The following BCL6 variants were observed in gnomAD, a reference collection of about 807,000 sequenced individuals.
The protein encoded by BCL6 is BCL6 transcription repressor, also known as B-cell lymphoma 6 protein.
Under a neutral mutation model 59.5 loss-of-function variants are expected in BCL6, and 7 were observed. That is an observed-to-expected ratio of 0.12 (90% CI 0.07 to 0.22). The LOEUF is 0.22. Ranked by LOEUF, BCL6 falls within the 10% of genes least tolerant of loss-of-function variation. The pLI, the probability that BCL6 is intolerant of heterozygous loss-of-function variation, is 1.00. For missense variants in BCL6, 685 were observed against 939.4 expected (o/e 0.73, Z 3.54); for synonymous variants, 339 against 349.7 (o/e 0.97, Z 0.34).
At chr3:187,744,027 T>A (rs1711742712) in intron 1 of BCL6, among the ~76,000 whole-genome samples, 2 of 152,218 alleles carry the variant, frequency 1.3e-5, no homozygotes, top group Admixed American at 6.5e-5. Context: ...GCTCTGTTCG[T>A]CTTTCTCCTC....
At chr3:187,744,352 A>T (rs1173100108) in intron 1 of BCL6, among the ~76,000 whole-genome samples, 1 of 139,586 alleles carries the variant, frequency 7.2e-6, no homozygotes, top group African/African-American at 2.6e-5. Context: ...CTGTCCCGCC[A>T]TCAGTCTCTC....
intron 1 of BCL6, among the ~76,000 whole-genome samples, chr3:187,739,363 C>T (rs1711514351): frequency 6.6e-6 from 1 of 152,182 alleles, no homozygotes; most frequent in South Asian, 2.1e-4. Context: ...CACCGTGGTC[C>T]GGCGGCAGGG....
intron 1 of BCL6, among the ~76,000 whole-genome samples, chr3:187,744,660 A>T: frequency 6.6e-6 from 1 of 152,254 alleles, no homozygotes; most frequent in Middle Eastern, 3.4e-3. Context: ...GGGAATCTAA[A>T]AGACCGAGGC....
intron 1 of BCL6, among the ~76,000 whole-genome samples, chr3:187,745,203 T>C (rs994308129): frequency 6.6e-6 from 1 of 152,142 alleles, no homozygotes; most frequent in East Asian, 1.9e-4. Flanking sequence ...TTTTAACACC[T>C]GACAGCTAGA....
intron 2 of BCL6, chr3:187,734,460 T>G (rs544099143): frequency 6.6e-6 from 1 of 152,510 alleles, no homozygotes; most frequent in African/African-American, 2.4e-5. Context: ...GTAATACCTA[T>G]GTGGTTATAA....
Position 187,722,054 on chromosome 3 carries a change from G to A in BCL6, c.*404C>T. 4.4e-6 allele frequency: 1 copy of A among 228,026 alleles called. No individual in the cohort carries two copies. Among genetic ancestry groups the A allele is most frequent in the Non-Finnish European group, 8.7e-6 (1 of 115,162 alleles). 14.1% of individuals were successfully genotyped at this position (228,026 alleles called of 1,614,324 possible). On this transcript the variant is annotated 3_prime_UTR_variant, in exon 10 of 10. Coordinates refer to ENST00000406870, the MANE Select transcript of BCL6 (RefSeq NM_001706.5). Reference sequence around the variant, plus strand: ...GCCCTCTCTTTGACAACATACTGAAGTCTTGTCTTTTAAAAGAATGCACAT... The same window carrying A: ...GCCCTCTCTTTGACAACATACTGAAATCTTGTCTTTTAAAAGAATGCACAT...
Position 187,722,324 on chromosome 3 carries a change from C to CCCCCCCCCCCCCAAT in BCL6, c.*133_*134insATTGGGGGGGGGGGG. Reference sequence around the variant, plus strand: ...CCCAGGCCCCGACCCCCACCACCCCCAACCCCCAGCTATGATTTGCACTAG... The same window carrying CCCCCCCCCCCCCAAT: ...CCCAGGCCCCGACCCCCACCACCCCCCCCCCCCCCCCCAATAACCCCCAGCTATGATTTGCACTAG... On this transcript the variant is annotated 3_prime_UTR_variant, in exon 10 of 10. Transcript: ENST00000406870. 1 of 670,272 alleles carries CCCCCCCCCCCCCAAT rather than the reference C, an allele frequency of 1.5e-6. No homozygotes were observed. The highest frequency in any genetic ancestry group is 2.0e-6 in the Non-Finnish European group (1 of 494,296). 41.5% of individuals were successfully genotyped at this position (670,272 alleles called of 1,614,324 possible).
Position 187,740,215 on chromosome 3 carries a change from A to G in BCL6, c.-50+5195T>C, listed in dbSNP as rs1050284509. On this transcript the variant is annotated intron_variant, in intron 1 of 9. Coordinates refer to ENST00000406870, the MANE Select transcript of BCL6 (RefSeq NM_001706.5). Reference sequence around the variant, plus strand: ...GTGGCACAAATTCTGGCCTATCCACATGACCCCCACCCCCTCACACACACA... The same window carrying G: ...GTGGCACAAATTCTGGCCTATCCACGTGACCCCCACCCCCTCACACACACA... Among the ~76,000 whole-genome samples the G allele has an allele frequency of 5.9e-5, 9 of 152,096 alleles. 1 individual carries two copies. Among genetic ancestry groups the G allele is most frequent in the Admixed American group, 5.2e-4 (8 of 15,262 alleles).
chr3:187,725,082 A>T lies in BCL6; in HGVS notation c.1840-4T>A. 1 of 1,613,880 alleles carries T rather than the reference A, an allele frequency of 6.2e-7. No homozygotes were observed. Among genetic ancestry groups the T allele is most frequent in the Non-Finnish European group, 8.5e-7 (1 of 1,180,006 alleles). The stretch of plus-strand genomic sequence containing the variant: ...CATGGGCACGGAGGTGGGCCACCTG[A>T]ACGAAGAAGAAGGCATGAGAGGTCT... On this transcript the variant is annotated splice_polypyrimidine_tract_variant and splice_region_variant and intron_variant, in intron 8 of 9. Transcript: ENST00000406870. This position sits in a 1 kb window ranked among gnomAD's most constrained non-coding sequence, Gnocchi z 4.7.
At chr3:187,738,262 C>T (rs967509616) in intron 1 of BCL6, among the ~76,000 whole-genome samples, 2 of 152,160 alleles carry the variant, frequency 1.3e-5, no homozygotes, top group Non-Finnish European at 2.9e-5. Flanking sequence ...TCCCTCACCC[C>T]CGTTCTTTTA....
chr3:187,725,726 T>C lies in BCL6; in HGVS notation c.1709-97A>G. 6.9e-7 allele frequency: 1 copy of C among 1,445,838 alleles called. No homozygotes were observed. The highest frequency in any genetic ancestry group is 2.3e-5 in the East Asian group (1 of 43,676). 89.6% of individuals were successfully genotyped at this position (1,445,838 alleles called of 1,614,324 possible). On this transcript the variant is annotated intron_variant, in intron 7 of 9. Coordinates refer to ENST00000406870, the MANE Select transcript of BCL6 (RefSeq NM_001706.5). The surrounding 1 kb of genome is among the most constrained non-coding windows in gnomAD (Gnocchi z 4.7). Reference sequence around the variant, plus strand: ...GATTTCTAAGCAGCCTGCTCCTCCCTGAGGCCACTTGTGTTTTCCTTTCCC... The same window carrying C: ...GATTTCTAAGCAGCCTGCTCCTCCCCGAGGCCACTTGTGTTTTCCTTTCCC...
At chr3:187,741,920 G>C (rs575950384) in intron 1 of BCL6, among the ~76,000 whole-genome samples, 1 of 151,862 alleles carries the variant, frequency 6.6e-6, no homozygotes, top group Non-Finnish European at 1.5e-5. Flanking sequence ...GGGGAAGGCC[G>C]GGCTACCTCC....
chr3:187,740,448 A>C (rs1281268081), intron 1 of BCL6, among the ~76,000 whole-genome samples: 1 of 152,090 alleles, frequency 6.6e-6, no homozygotes, highest in Non-Finnish European at 1.5e-5. Flanking sequence ...ATTTTCTTTA[A>C]AAAAAATCCT....
intron 4 of BCL6, 105 bp downstream of exon 4, chr3:187,731,604 G>T: frequency 9.1e-7 from 1 of 1,097,076 alleles, no homozygotes; most frequent in Non-Finnish European, 1.3e-6. Flanking sequence ...GTGGGTTGCA[G>T]CATATCATAG....
At chr3:187,744,734 C>G (rs551721129) in intron 1 of BCL6, among the ~76,000 whole-genome samples, 1 of 151,782 alleles carries the variant, frequency 6.6e-6, no homozygotes, top group African/African-American at 2.4e-5. Flanking sequence ...CCGGAGTTAC[C>G]CAGAAGGACA....
chr3:187,744,848 A>T (rs1432545347), intron 1 of BCL6, among the ~76,000 whole-genome samples: 2 of 152,232 alleles, frequency 1.3e-5, no homozygotes, highest in South Asian at 2.1e-4. Flanking sequence ...AAAGAGGGAA[A>T]AAACACAGCC....
At chr3:187,743,403 G>A (rs2108481790) in intron 1 of BCL6, among the ~76,000 whole-genome samples, 1 of 152,172 alleles carries the variant, frequency 6.6e-6, no homozygotes, top group South Asian at 2.1e-4. Flanking sequence ...CCCTGTGACA[G>A]CTTGGGACTT....
In BCL6 at chr3:187,723,494, G is replaced by A. The variant is rs138607088; in HGVS notation, c.1978-893C>T. Among the ~76,000 whole-genome samples the A allele has an allele frequency of 3.2e-3, 488 of 152,308 alleles. 5 individuals are homozygous for A. Among genetic ancestry groups the A allele is most frequent in the Non-Finnish European group, 4.1e-3 (276 of 68,030 alleles). ...GTTGTGACAAATGTATGGAACTAAC[G>A]TAAGATGTTAACAATAGGATAAAAT... On this transcript the variant is annotated intron_variant, in intron 9 of 9. Transcript: ENST00000406870.
At chr3:187,741,900 G>C (rs2108480301) in intron 1 of BCL6, among the ~76,000 whole-genome samples, 1 of 152,032 alleles carries the variant, frequency 6.6e-6, no homozygotes, top group South Asian at 2.1e-4. Context: ...GCCCTGAGAA[G>C]TCAATCCAAG....
Sources: allele counts gnomAD v4.1 joint callset (sites outside exome capture counted in the v4.1 genomes callset), GRCh38; gene constraint gnomAD v4.1.1; non-coding constraint Gnocchi (gnomAD v3.1); transcripts MANE v1.5; gene names NCBI Gene and HGNC (gene_info 2026-07-23, HGNC 2026-07-21).